The following STARD3NL variants were observed in gnomAD, a reference collection of about 807,000 sequenced individuals.
The protein encoded by STARD3NL is STARD3 N-terminal-like protein.
In STARD3NL, 17 loss-of-function variants were observed where a neutral mutation model predicts 30.9. The observed-to-expected ratio is 0.55, with a 90% CI of 0.38 to 0.82. The LOEUF is 0.82. STARD3NL is among the 40% of genes least tolerant of loss of function. The pLI is 0.00. For missense variants in STARD3NL, 234 were observed against 277.6 expected (o/e 0.84, Z 1.12); for synonymous variants, 112 against 100.5 (o/e 1.11, Z -0.69).
At position 38,186,466 on chromosome 7, in the gene STARD3NL, T is replaced by C. The variant is rs553847044; in HGVS notation, c.-59+8046T>C. Among the ~76,000 whole-genome samples, 15 of 152,330 alleles carry C rather than the reference T, an allele frequency of 9.8e-5. No individual in the cohort carries two copies. In the South Asian group the frequency reaches 2.9e-3, roughly 29 times the overall value. On this transcript the variant is annotated intron_variant, in intron 1 of 8. Coordinates refer to ENST00000009041, the MANE Select transcript of STARD3NL (RefSeq NM_032016.4). ...GGAAAAATTGGGTTACAAATAGCTC[T>C]ATGACCTGGAAGATTAAAACAAAGG...
At chr7:38,196,052 C>T (rs1301179333) in intron 1 of STARD3NL, among the ~76,000 whole-genome samples, 1 of 152,336 alleles carries the variant, frequency 6.6e-6, no homozygotes, top group East Asian at 1.9e-4. Flanking sequence ...CTGCAGTGAA[C>T]ACCTTAACTG....
At chr7:38,179,031 T>A (rs961656925) in intron 1 of STARD3NL, 1 of 152,238 alleles carries the variant, frequency 6.6e-6, no homozygotes, top group African/African-American at 2.4e-5. Flanking sequence ...AGTTCAAACA[T>A]GGGTGGACAT....
chr7:38,225,630 C>G (rs968945580), intron 7 of STARD3NL, among the ~76,000 whole-genome samples: 3 of 147,846 alleles, frequency 2.0e-5, no homozygotes, highest in Non-Finnish European at 4.5e-5. Flanking sequence ...TTGCTAAAAT[C>G]AGTTTACTAT....
chr7:38,202,938 G>T (rs1201419691), intron 1 of STARD3NL, among the ~76,000 whole-genome samples: 1 of 151,998 alleles, frequency 6.6e-6, no homozygotes, highest in Non-Finnish European at 1.5e-5. Context: ...ATTCCATGGT[G>T]TATATGTGCC....
chr7:38,196,487 C>G lies in STARD3NL; in HGVS notation c.-58-10960C>G, dbSNP rs185019351. On this transcript the variant is annotated intron_variant, in intron 1 of 8. Coordinates refer to ENST00000009041, the MANE Select transcript of STARD3NL (RefSeq NM_032016.4). ...TATTCCTTTGTTTCAAAATTATTCC[C>G]CATTGTAGACCTGATGATATATATC... 3.0e-3 allele frequency among the ~76,000 whole-genome samples: 450 copies of G among 152,152 alleles called. 3 individuals are homozygous for G. Among genetic ancestry groups the G allele is most frequent in the Middle Eastern group, 0.014 (4 of 294 alleles).
intron 1 of STARD3NL, among the ~76,000 whole-genome samples, chr7:38,180,287 T>A (rs143010150): frequency 6.6e-6 from 1 of 152,254 alleles, no homozygotes. Context: ...TCCATTGTTA[T>A]ATGCAGAACT....
In STARD3NL at chr7:38,207,459, T is replaced by G. The variant is rs189562659; in HGVS notation, c.-46T>G. 22 of 1,545,180 alleles carry G rather than the reference T, an allele frequency of 1.4e-5. No individual in the cohort carries two copies. The African/African-American group carries it at 1.9e-4, about 13-fold the overall frequency. ...TTATTTCCCAAAGGTGTCTTCTCTT[T>G]AGGGATGGTGAGGTTGGAAAAAGGC... On this transcript the variant is annotated 5_prime_UTR_variant, in exon 2 of 9. Transcript: ENST00000009041.
At chr7:38,184,844 CTATA>C (rs1415866919) in intron 1 of STARD3NL, among the ~76,000 whole-genome samples, 2 of 145,750 alleles carry the variant, frequency 1.4e-5, no homozygotes, top group Non-Finnish European at 3.0e-5. Context: ...AGCATATATA[CTATA>C]TATATGTATT....
intron 1 of STARD3NL, among the ~76,000 whole-genome samples, chr7:38,194,042 C>T (rs1380672393): frequency 6.6e-6 from 1 of 151,818 alleles, no homozygotes; most frequent in African/African-American, 2.4e-5. Flanking sequence ...GACTCCAGTC[C>T]CTTTGCTAGG....
chr7:38,225,855 CG>C (rs1350620738), intron 7 of STARD3NL, among the ~76,000 whole-genome samples: 2 of 152,158 alleles, frequency 1.3e-5, no homozygotes, highest in African/African-American at 4.8e-5. Context: ...CAGGTTGACA[CG>C]GATGTGTCTG....
intron 2 of STARD3NL, among the ~76,000 whole-genome samples, chr7:38,209,637 T>G (rs1054575274): frequency 6.6e-6 from 1 of 152,156 alleles, no homozygotes; most frequent in African/African-American, 2.4e-5. Context: ...GGGCACACTT[T>G]AAATTTATTT....
At chr7:38,204,448 A>T (rs1377201348) in intron 1 of STARD3NL, among the ~76,000 whole-genome samples, 1 of 152,226 alleles carries the variant, frequency 6.6e-6, no homozygotes, top group African/African-American at 2.4e-5. Flanking sequence ...AAAAACAAAG[A>T]CACAACATAC....
At chr7:38,222,614 G>A (rs1786534004) in intron 7 of STARD3NL, among the ~76,000 whole-genome samples, 1 of 152,170 alleles carries the variant, frequency 6.6e-6, no homozygotes, top group Non-Finnish European at 1.5e-5. Flanking sequence ...ACGGTCTCAA[G>A]CATGCCTCAT....
At chr7:38,205,295 A>G (rs938316749) in intron 1 of STARD3NL, among the ~76,000 whole-genome samples, 3 of 152,212 alleles carry the variant, frequency 2.0e-5, no homozygotes, top group Non-Finnish European at 4.4e-5. Context: ...ACCATGATCA[A>G]TTGGGCTTCA....
intron 2 of STARD3NL, among the ~76,000 whole-genome samples, chr7:38,213,430 C>G (rs750457707): frequency 1.1e-4 from 17 of 152,128 alleles, no homozygotes. Context: ...TGAAATGATA[C>G]CTAAGCTAGG....
chr7:38,207,580 C>A lies in STARD3NL; in HGVS notation c.76C>A (p.His26Asn), dbSNP rs1291085966. 2.5e-6 allele frequency: 4 copies of A among 1,614,074 alleles called. No individual in the cohort carries two copies. Among genetic ancestry groups the A allele is most frequent in the African/African-American group, 2.7e-5 (2 of 75,046 alleles). Residue 26 changes from histidine (H) to asparagine (N), a missense_variant, in exon 2 of 9, where the codon CAT (histidine) becomes AAT (asparagine). By Grantham distance (68) the His-to-Asn change is moderately conservative. Transcript: ENST00000009041. ...QSSHASLRNI[H>N]SINPTQLMAR... ...CTCCCATGCTTCTCTGCGCAATATC[C>A]ATTCCATCAACCCCACACAACTCAT...
chr7:38,213,165 A>T (rs995027208), intron 2 of STARD3NL, among the ~76,000 whole-genome samples: 1 of 152,168 alleles, frequency 6.6e-6, no homozygotes, highest in Non-Finnish European at 1.5e-5. Context: ...AATCATTCTT[A>T]TAATATTCTG....
chr7:38,219,447 C>T lies in STARD3NL; in HGVS notation c.554-118C>T, dbSNP rs1039910499. 9.6e-6 allele frequency: 6 copies of T among 621,826 alleles called. No homozygotes were observed. The South Asian group carries it at 1.2e-4, about 13-fold the overall frequency. The allele number at this position is 621,826 out of a possible 1,614,324, so 38.5% of individuals were successfully genotyped here. The stretch of plus-strand genomic sequence containing the variant: ...GTTTGGTTGAAACATTTTTAAAGTA[C>T]CTCTTTTTCTAAAGGTATTTCATTG... On this transcript the variant is annotated intron_variant, in intron 6 of 8. Transcript: ENST00000009041.
intron 1 of STARD3NL, among the ~76,000 whole-genome samples, chr7:38,206,037 G>T (rs1277932567): frequency 6.6e-6 from 1 of 152,142 alleles, no homozygotes; most frequent in East Asian, 1.9e-4. Context: ...CCACCACATT[G>T]TTAAAAAGTA....
Sources: gnomAD v4.1 joint callset for allele counts (sites outside exome capture counted in the v4.1 genomes callset) on GRCh38, gnomAD v4.1.1 for gene constraint, MANE v1.5 for transcripts, NCBI Gene and HGNC (gene_info 2026-07-23, HGNC 2026-07-21) for gene names.